The following KIF26B variants were observed in gnomAD, a reference collection of about 807,000 sequenced individuals.
KIF26B encodes the protein kinesin family member 26B.
A neutral mutation model predicts 151.2 loss-of-function variants in KIF26B; 63 were observed. The ratio of observed to expected loss-of-function variants is 0.42; its 90% confidence interval spans 0.34 to 0.51. The LOEUF is 0.51. KIF26B is among the 20% of genes least tolerant of loss of function. KIF26B has a pLI of 0.07. For synonymous variants in KIF26B, 1,357 were observed against 1,262.1 expected (o/e 1.08, Z -1.59); for missense variants, 2,813 against 2,913.6 (o/e 0.97, Z 0.79).
intron 10 of KIF26B, among the ~76,000 whole-genome samples, chr1:245,674,895 G>A (rs1034720727): frequency 6.6e-6 from 1 of 152,142 alleles, no homozygotes; most frequent in Non-Finnish European, 1.5e-5. Context: ...GACACCTACT[G>A]CAAGCAATTA....
At chr1:245,536,527 A>T (rs1342338804) in intron 4 of KIF26B, among the ~76,000 whole-genome samples, 10 of 152,178 alleles carry the variant, frequency 6.6e-5, no homozygotes, top group Admixed American at 6.5e-4. Flanking sequence ...AGATAATGGA[A>T]ATTAGGAGTC....
intron 2 of KIF26B, among the ~76,000 whole-genome samples, chr1:245,190,430 G>T (rs1223470095): frequency 2.0e-5 from 3 of 151,962 alleles, no homozygotes; most frequent in Non-Finnish European, 4.4e-5. Context: ...TAGATTGGAG[G>T]GTACAGGGCA....
intron 2 of KIF26B, among the ~76,000 whole-genome samples, chr1:245,268,487 AT>A (rs1558368595): frequency 2.1e-5 from 3 of 143,246 alleles, no homozygotes; most frequent in Non-Finnish European, 3.0e-5. Context: ...AATAATAATA[AT>A]AATAATAATA....
chr1:245,447,516 A>G (rs950789620), intron 4 of KIF26B, among the ~76,000 whole-genome samples: 11 of 152,024 alleles, frequency 7.2e-5, no homozygotes, highest in Non-Finnish European at 1.5e-4. Context: ...ATCCTCATGA[A>G]TAGGATTAGT....
chr1:245,546,196 T>G (rs187233183), intron 5 of KIF26B, among the ~76,000 whole-genome samples: 4 of 152,212 alleles, frequency 2.6e-5, no homozygotes, highest in South Asian at 4.2e-4. Flanking sequence ...TTTTTGTTTG[T>G]TTGGTTTTGG....
At position 245,298,848 on chromosome 1, in the gene KIF26B, C is replaced by T. The variant is rs6665687; in HGVS notation, c.466-67986C>T. Among the ~76,000 whole-genome samples the T allele has an allele frequency of 7.7e-3, 1,165 of 152,270 alleles. 16 individuals carry two copies. The highest frequency in any genetic ancestry group is 0.026 in the African/African-American group (1,089 of 41,552). On this transcript the variant is annotated intron_variant, in intron 2 of 14. Coordinates refer to ENST00000407071, the MANE Select transcript of KIF26B (RefSeq NM_018012.4). Reference sequence around the variant, plus strand: ...AACAGCCTCCGCTGCCCATGATCCGCGAGCTGTTTCGCTAGCATTCCGAAC... The same window carrying T: ...AACAGCCTCCGCTGCCCATGATCCGTGAGCTGTTTCGCTAGCATTCCGAAC...
At chr1:245,190,123 G>A (rs1669073806) in intron 2 of KIF26B, among the ~76,000 whole-genome samples, 1 of 152,096 alleles carries the variant, frequency 6.6e-6, no homozygotes, top group Non-Finnish European at 1.5e-5. Context: ...TTACTACCAT[G>A]AGAACAGTAT....
intron 4 of KIF26B, among the ~76,000 whole-genome samples, chr1:245,533,079 C>T (rs1661410681): frequency 6.6e-6 from 1 of 152,174 alleles, no homozygotes; most frequent in African/African-American, 2.4e-5. Flanking sequence ...TACCTTCTCC[C>T]ACTGTGTCAT....
In KIF26B at chr1:245,686,815, A is replaced by G; in HGVS notation, c.3832A>G (p.Ile1278Val). The change falls in exon 12 of 15, where the codon ATC becomes GTC. Residue 1278 changes from isoleucine to valine, a missense_variant. By Grantham distance (29) the Ile-to-Val change is conservative. Transcript: ENST00000407071. The surrounding 1 kb of genome is among the most constrained non-coding windows in gnomAD (Gnocchi z 5.6). ...AQDAGSRRSS[I>V]SSWLSEMSAG... is the part of the protein sequence containing the mutation. ...GGACGCAGGGAGCAGACGCTCTTCC[A>G]TCAGCTCCTGGCTGAGCGAGATGAG... 1 of 1,613,598 alleles carries G rather than the reference A, an allele frequency of 6.2e-7. No homozygotes were observed. Among genetic ancestry groups the G allele is most frequent in the Non-Finnish European group, 8.5e-7 (1 of 1,179,822 alleles).
chr1:245,169,593 G>A (rs1668675361), intron 2 of KIF26B, among the ~76,000 whole-genome samples: 1 of 52,714 alleles, frequency 1.9e-5, no homozygotes, highest in African/African-American at 4.0e-5. Flanking sequence ...TCCCATGATG[G>A]CTTTACAAGC....
chr1:245,171,308 C>T (rs1473861008), intron 2 of KIF26B, among the ~76,000 whole-genome samples: 1 of 152,202 alleles, frequency 6.6e-6, no homozygotes, highest in Non-Finnish European at 1.5e-5. Context: ...CTTTGGGAGG[C>T]CAAGGCGGGC....
chr1:245,475,902 T>G (rs1660026376), intron 4 of KIF26B, among the ~76,000 whole-genome samples: 1 of 151,906 alleles, frequency 6.6e-6, no homozygotes, highest in Non-Finnish European at 1.5e-5. Flanking sequence ...AATTCCATTC[T>G]TAGGGATATA....
intron 2 of KIF26B, among the ~76,000 whole-genome samples, chr1:245,224,848 G>T (rs1409516211): frequency 6.6e-6 from 1 of 152,156 alleles, no homozygotes; most frequent in African/African-American, 2.4e-5. Flanking sequence ...TACTGATAAC[G>T]GTTTCAGGGC....
intron 12 of KIF26B, among the ~76,000 whole-genome samples, chr1:245,689,938 A>C (rs1385618572): frequency 1.3e-5 from 2 of 152,136 alleles, no homozygotes; most frequent in African/African-American, 4.8e-5. Flanking sequence ...CAGACTTGTT[A>C]ATTGGAGTCT....
At chr1:245,612,600 A>G (rs1411566457) in intron 9 of KIF26B, among the ~76,000 whole-genome samples, 2 of 152,220 alleles carry the variant, frequency 1.3e-5, no homozygotes, top group Non-Finnish European at 2.9e-5. Context: ...ACTGCCTGAC[A>G]GTATCTTTTT....
chr1:245,465,277 C>T (rs1349684389), intron 4 of KIF26B, among the ~76,000 whole-genome samples: 1 of 152,166 alleles, frequency 6.6e-6, no homozygotes, highest in Admixed American at 6.5e-5. Flanking sequence ...CGCGCCCGGA[C>T]CCATTGCCTC....
chr1:245,644,781 T>G (rs2043928871), intron 9 of KIF26B, among the ~76,000 whole-genome samples: 1 of 152,342 alleles, frequency 6.6e-6, no homozygotes, highest in African/African-American at 2.4e-5. Context: ...AGTTAATTTC[T>G]GAGCCTTGAA....
At chr1:245,697,852 C>A (rs574090313) in intron 12 of KIF26B, among the ~76,000 whole-genome samples, 15 of 152,014 alleles carry the variant, frequency 9.9e-5, no homozygotes, top group Admixed American at 2.0e-4. Flanking sequence ...CCAGCCTGGG[C>A]AATATAGCAA....
At chr1:245,217,545 T>C (rs1669673834) in intron 2 of KIF26B, among the ~76,000 whole-genome samples, 2 of 152,004 alleles carry the variant, frequency 1.3e-5, no homozygotes, top group Non-Finnish European at 2.9e-5. Context: ...TTTTTGTATT[T>C]TTAATAGAGA....
Sources: allele counts gnomAD v4.1 joint callset (sites outside exome capture counted in the v4.1 genomes callset), GRCh38; gene constraint gnomAD v4.1.1; non-coding constraint Gnocchi (gnomAD v3.1); transcripts MANE v1.5; gene names NCBI Gene and HGNC (gene_info 2026-07-23, HGNC 2026-07-21).